The following GRIP1 variants were observed in gnomAD, a reference collection of about 807,000 sequenced individuals.
GRIP1 encodes glutamate receptor interacting protein 1.
GRIP1 carries 45 observed loss-of-function variants against 129.9 expected under a neutral mutation model. The observed-to-expected ratio is 0.35, with a 90% confidence interval of 0.27 to 0.44. The LOEUF is 0.44. Among genes scored for constraint, GRIP1 ranks in the 20% least tolerant of loss-of-function variants. The pLI is 1.00. For missense variants in GRIP1, 1,196 were observed against 1,396.8 expected (o/e 0.86, Z 2.29); for synonymous variants, 530 against 520.8 (o/e 1.02, Z -0.24).
chr12:66,625,635 T>C (rs1336962911), intron 1 of GRIP1, among the ~76,000 whole-genome samples: 2 of 152,274 alleles, frequency 1.3e-5, no homozygotes, highest in Admixed American at 6.5e-5. Flanking sequence ...TGAGCCAACA[T>C]AAGCAGTTTT....
chr12:66,868,311 C>G (rs1234956752), intron 1 of GRIP1, among the ~76,000 whole-genome samples: 3 of 152,118 alleles, frequency 2.0e-5, no homozygotes, highest in African/African-American at 7.2e-5. Flanking sequence ...AGAAGAAAGA[C>G]AGTCCCCTTA....
intron 1 of GRIP1, among the ~76,000 whole-genome samples, chr12:66,927,351 A>G (rs557282775): frequency 6.6e-6 from 1 of 152,318 alleles, no homozygotes; most frequent in South Asian, 2.1e-4. Flanking sequence ...TACACAGCCA[A>G]CAAAGCAGCA....
intron 7 of GRIP1, among the ~76,000 whole-genome samples, chr12:66,468,843 C>G (rs1214417653): frequency 1.3e-5 from 2 of 152,094 alleles, no homozygotes; most frequent in Non-Finnish European, 2.9e-5. Flanking sequence ...GCCAGATCCT[C>G]TGCCATCATT....
At chr12:66,581,321 A>G (rs1053454120) in intron 2 of GRIP1, among the ~76,000 whole-genome samples, 21 of 151,560 alleles carry the variant, frequency 1.4e-4, no homozygotes, top group African/African-American at 4.8e-4. Flanking sequence ...CAAAATTGAC[A>G]CCCTAACATC....
chr12:66,469,875 A>G (rs1260336224), intron 7 of GRIP1, among the ~76,000 whole-genome samples: 1 of 152,164 alleles, frequency 6.6e-6, no homozygotes, highest in Admixed American at 6.6e-5. Flanking sequence ...CCCAAACTGA[A>G]GAGTGAGACC....
chr12:66,678,769 T>C (rs1000835000), intron 1 of GRIP1, 81 bp downstream of exon 1: 8 of 1,319,248 alleles, frequency 6.1e-6, no homozygotes, highest in Non-Finnish European at 7.6e-6. Context: ...GGCAGTCATA[T>C]TTGAAAGTAA....
Position 66,371,661 on chromosome 12 carries a change from T to C in GRIP1, c.3012+33A>G, listed in dbSNP as rs1231852223. The C allele has an allele frequency of 3.5e-6, 5 of 1,445,516 alleles. No homozygotes were observed. In the East Asian group the frequency reaches 9.1e-5, roughly 26 times the overall value. 89.5% of individuals were successfully genotyped at this position (1,445,516 alleles called of 1,614,324 possible). ...TGCTATGCAGAATGGCTGCCAAATT[T>C]GACCCTAGGGAAAGAAGAGAAAGCT... On this transcript the variant is annotated intron_variant, in intron 23 of 24. Coordinates refer to ENST00000359742, the MANE Select transcript of GRIP1 (RefSeq NM_001366722.1).
chr12:66,675,677 A>C (rs981466421), intron 1 of GRIP1, among the ~76,000 whole-genome samples: 7 of 152,096 alleles, frequency 4.6e-5, no homozygotes, highest in African/African-American at 1.7e-4. Flanking sequence ...ACCTCACAAA[A>C]TGTTATTTTG....
At chr12:66,875,607 T>G (rs1170740899) in intron 1 of GRIP1, among the ~76,000 whole-genome samples, 1 of 152,080 alleles carries the variant, frequency 6.6e-6, no homozygotes, top group Non-Finnish European at 1.5e-5. Flanking sequence ...ATTTTAATAA[T>G]GAGGTTGTCT....
chr12:66,397,844 A>C (rs1033710268), intron 16 of GRIP1, among the ~76,000 whole-genome samples: 3 of 152,192 alleles, frequency 2.0e-5, no homozygotes, highest in Non-Finnish European at 4.4e-5. Context: ...TCATTATGCT[A>C]TTTTTATTTT....
At chr12:66,997,321 G>A (rs1382175042) in intron 1 of GRIP1, among the ~76,000 whole-genome samples, 1 of 151,990 alleles carries the variant, frequency 6.6e-6, no homozygotes, top group Admixed American at 6.6e-5. Context: ...GCACATGTCT[G>A]TAATTCTGGC....
chr12:66,814,702 C>G (rs1029176436), intron 1 of GRIP1, among the ~76,000 whole-genome samples: 1 of 151,494 alleles, frequency 6.6e-6, no homozygotes, highest in Non-Finnish European at 1.5e-5. Flanking sequence ...TGCATTAGTT[C>G]TGTCACACTG....
intron 1 of GRIP1, among the ~76,000 whole-genome samples, chr12:66,982,555 C>T (rs745404546): frequency 2.0e-5 from 3 of 152,170 alleles, no homozygotes; most frequent in Non-Finnish European, 2.9e-5. Flanking sequence ...TTATGATCTG[C>T]CCTGTGGAAG....
chr12:66,414,993 T>TATAAAATAAAATAAAATAAAA (rs1282938491), intron 15 of GRIP1, among the ~76,000 whole-genome samples: 1 of 99,028 alleles, frequency 1.0e-5, no homozygotes, highest in South Asian at 3.0e-4. Context: ...ATAAAATGGA[T>TATAAAATAAAATAAAATAAAA]TAAAGACTTA....
rs150031660 is a variant in GRIP1 at position 66,708,805 on chromosome 12, G to A, written c.-419-78469C>T. On this transcript the variant is annotated intron_variant, in intron 1 of 4. Coordinates refer to the GRIP1 transcript ENST00000538373. ...ACTTACATTTTAAAATCCACAAACT[G>A]AAGTTTATATTTACTTTTTCTTTGA... Among the ~76,000 whole-genome samples the A allele has an allele frequency of 2.9e-3, 439 of 151,812 alleles. 1 individual carries two copies. Among genetic ancestry groups the A allele is most frequent in the African/African-American group, 0.01 (421 of 41,460 alleles).
intron 24 of GRIP1, among the ~76,000 whole-genome samples, chr12:66,352,780 C>A (rs575591491): frequency 6.6e-6 from 1 of 151,332 alleles, no homozygotes; most frequent in Non-Finnish European, 1.5e-5. Flanking sequence ...TCAAAAGGTC[C>A]GTCATCAACC....
At chr12:66,907,906 A>G (rs1187233972) in intron 1 of GRIP1, among the ~76,000 whole-genome samples, 3 of 152,178 alleles carry the variant, frequency 2.0e-5, no homozygotes, top group Non-Finnish European at 4.4e-5. Context: ...CAACCTAAGA[A>G]GAAGACATGC....
chr12:66,491,342 C>T (rs2060098842), intron 7 of GRIP1, among the ~76,000 whole-genome samples: 1 of 152,124 alleles, frequency 6.6e-6, no homozygotes, highest in African/African-American at 2.4e-5. Context: ...AGCCATTATC[C>T]TCAGCACAAC....
At chr12:66,615,746 G>A (rs1488967794) in intron 1 of GRIP1, among the ~76,000 whole-genome samples, 4 of 152,192 alleles carry the variant, frequency 2.6e-5, no homozygotes, top group Non-Finnish European at 5.9e-5. Context: ...CTGGGTTCAA[G>A]CGATTCTCCT....
Sources: gnomAD v4.1 joint callset for allele counts (sites outside exome capture counted in the v4.1 genomes callset) on GRCh38, gnomAD v4.1.1 for gene constraint, MANE v1.5 for transcripts, NCBI Gene and HGNC (gene_info 2026-07-23, HGNC 2026-07-21) for gene names.